The following GULP1 variants were observed in gnomAD, a reference collection of about 807,000 sequenced individuals.
GULP1 encodes PTB domain-containing engulfment adapter protein 1.
A neutral mutation model predicts 40.9 loss-of-function variants in GULP1; 19 were observed. That is an observed-to-expected ratio of 0.46 (90% CI 0.32 to 0.68). The LOEUF is 0.68. GULP1 is among the 30% of genes least tolerant of loss of function. The pLI, the probability that GULP1 is intolerant of heterozygous loss-of-function variation, is 0.03. For missense variants in GULP1, 312 were observed against 362.2 expected, an observed-to-expected ratio of 0.86 and a Z score of 1.12; for synonymous variants, 119 against 117.6, an observed-to-expected ratio of 1.01 and a Z score of -0.08.
chr2:188,380,916 T>C (rs958975494), intron 1 of GULP1, among the ~76,000 whole-genome samples: 3 of 152,120 alleles, frequency 2.0e-5, no homozygotes, highest in Admixed American at 6.5e-5. Flanking sequence ...AATGGTACTG[T>C]TGGGGATAAA....
At chr2:188,440,833 A>T (rs2057858401) in intron 2 of GULP1, among the ~76,000 whole-genome samples, 1 of 152,210 alleles carries the variant, frequency 6.6e-6, no homozygotes, top group South Asian at 2.1e-4. Flanking sequence ...AGAAAAAAAG[A>T]TAAGATTCCA....
At chr2:188,363,558 CAG>C (rs1473773844) in intron 1 of GULP1, among the ~76,000 whole-genome samples, 3 of 152,082 alleles carry the variant, frequency 2.0e-5, no homozygotes, top group African/African-American at 7.2e-5. Flanking sequence ...CTGGGGAAAA[CAG>C]TGTAGGAATG....
intron 2 of GULP1, among the ~76,000 whole-genome samples, chr2:188,469,688 G>T (rs1455901790): frequency 6.6e-6 from 1 of 151,984 alleles, no homozygotes; most frequent in East Asian, 1.9e-4. Flanking sequence ...AGTAGCTGTG[G>T]GTCTGTCATA....
chr2:188,390,828 T>C (rs1359595595), intron 2 of GULP1, among the ~76,000 whole-genome samples: 5 of 152,094 alleles, frequency 3.3e-5, no homozygotes, highest in African/African-American at 7.2e-5. Flanking sequence ...TTCACTCTTC[T>C]ACATGTAGCT....
intron 1 of GULP1, among the ~76,000 whole-genome samples, chr2:188,323,670 GTGTGTGTGTGTGTGTGTGTA>G (rs766652991): frequency 0.027 from 4,038 of 150,698 alleles, 192 homozygotes; most frequent in African/African-American, 0.092. Context: ...GTGTGTGTGT[GTGTGTGTGTGTGTGTGTGTA>G]TGTGTGTACA....
Position 188,594,608 on chromosome 2 carries a change from T to C in GULP1, c.*597T>C, listed in dbSNP as rs191605426. On this transcript the variant is annotated 3_prime_UTR_variant, in exon 12 of 12. Coordinates refer to ENST00000409830, the MANE Select transcript of GULP1 (RefSeq NM_016315.4). ...ATTCCAATAATAAACCAAATGTATT[T>C]AGAGTATTTATTAGTAAATGCAAGG... is the stretch of plus-strand genomic sequence containing the variant. 1 of 151,788 alleles carries C rather than the reference T, an allele frequency of 6.6e-6. No individual in the cohort carries two copies. The highest frequency in any genetic ancestry group is 6.6e-5 in the Admixed American group (1 of 15,198). 9.4% of individuals were successfully genotyped at this position (151,788 alleles called of 1,614,324 possible). A position where few individuals can be genotyped will look rare whatever the true frequency, so the allele number is the denominator to read the frequency against.
At chr2:188,516,203 A>G (rs1237151602) in intron 4 of GULP1, among the ~76,000 whole-genome samples, 1 of 152,256 alleles carries the variant, frequency 6.6e-6, no homozygotes, top group African/African-American at 2.4e-5. Context: ...GAACTGGGAC[A>G]TGGCAGGCAA....
intron 2 of GULP1, among the ~76,000 whole-genome samples, chr2:188,458,439 C>T (rs1233608272): frequency 6.6e-6 from 1 of 152,076 alleles, no homozygotes; most frequent in Non-Finnish European, 1.5e-5. Context: ...TACTTCCTTT[C>T]TTCATTTCTT....
At chr2:188,517,625 C>G (rs190376465) in intron 4 of GULP1, among the ~76,000 whole-genome samples, 47 of 152,252 alleles carry the variant, frequency 3.1e-4, no homozygotes, top group African/African-American at 9.1e-4. Context: ...GTTCTGTGGA[C>G]TTGAGCAGGG....
At chr2:188,473,310 G>A (rs555857585) in intron 2 of GULP1, among the ~76,000 whole-genome samples, 2 of 152,198 alleles carry the variant, frequency 1.3e-5, no homozygotes, top group East Asian at 3.9e-4. Context: ...AAGACCATGG[G>A]GCTTTACAGT....
At chr2:188,522,590 T>C (rs1263419867) in intron 4 of GULP1, 166 bp from the exon 5 acceptor site, 1 of 207,516 alleles carries the variant, frequency 4.8e-6, no homozygotes, top group Non-Finnish European at 9.4e-6. Context: ...AAAGTTTAGT[T>C]ACATTTTCAT....
intron 2 of GULP1, among the ~76,000 whole-genome samples, chr2:188,428,519 C>T (rs1167326120): frequency 1.3e-5 from 2 of 152,048 alleles, no homozygotes; most frequent in Non-Finnish European, 2.9e-5. Context: ...ACGTAATTTT[C>T]CTAGTGCTGT....
intron 3 of GULP1, among the ~76,000 whole-genome samples, chr2:188,480,466 TA>T (rs10718863): frequency 0.027 from 4,138 of 151,962 alleles, 190 homozygotes; most frequent in African/African-American, 0.094. Flanking sequence ...GTTTTTTTTT[TA>T]AATTAAATCT....
chr2:188,366,588 C>CTTTTTTTTTT (rs34745549), intron 1 of GULP1, among the ~76,000 whole-genome samples: 7 of 84,060 alleles, frequency 8.3e-5, no homozygotes, highest in Non-Finnish European at 1.3e-4. Context: ...CAGTTACTTT[C>CTTTTTTTTTT]TTTTTTTTTT....
intron 2 of GULP1, among the ~76,000 whole-genome samples, chr2:188,465,242 C>A (rs1334210336): frequency 2.0e-5 from 3 of 152,090 alleles, no homozygotes; most frequent in Non-Finnish European, 4.4e-5. Context: ...CTTGCCATGA[C>A]TGAGTTCTTC....
chr2:188,391,408 T>A (rs2050505971), intron 2 of GULP1, among the ~76,000 whole-genome samples: 1 of 152,044 alleles, frequency 6.6e-6, no homozygotes, highest in Non-Finnish European at 1.5e-5. Context: ...TGATTCTCAA[T>A]GTGGTTGTTG....
intron 11 of GULP1, chr2:188,591,012 G>A (rs1012243015): frequency 2.0e-5 from 3 of 151,840 alleles, no homozygotes; most frequent in South Asian, 2.1e-4. Flanking sequence ...AGAAAAATAC[G>A]GACATATAGT....
At chr2:188,303,543 T>G (rs2036510611) in intron 1 of GULP1, among the ~76,000 whole-genome samples, 1 of 152,134 alleles carries the variant, frequency 6.6e-6, no homozygotes, top group African/African-American at 2.4e-5. Flanking sequence ...ATGCTGAAAG[T>G]CTGCAGTAAA....
At chr2:188,497,927 G>C (rs745632825) in intron 4 of GULP1, among the ~76,000 whole-genome samples, 1 of 151,918 alleles carries the variant, frequency 6.6e-6, no homozygotes, top group Non-Finnish European at 1.5e-5. Flanking sequence ...AACAGCATAT[G>C]GGGGAGGAAT....
Sources: gnomAD v4.1 joint callset for allele counts (sites outside exome capture counted in the v4.1 genomes callset) on GRCh38, gnomAD v4.1.1 for gene constraint, MANE v1.5 for transcripts, NCBI Gene and HGNC (gene_info 2026-07-23, HGNC 2026-07-21) for gene names.